The following PHACTR1 variants were observed in gnomAD, a reference collection of about 807,000 sequenced individuals.
The protein encoded by PHACTR1 is phosphatase and actin regulator 1.
In PHACTR1, 16 loss-of-function variants were observed where a neutral mutation model predicts 69.2. The observed-to-expected ratio is 0.23, with a 90% CI of 0.16 to 0.35. The LOEUF (loss-of-function observed/expected upper bound fraction) is 0.35, where lower values mean the gene tolerates loss of function less well. Among genes scored for constraint, PHACTR1 ranks in the 10% least tolerant of loss-of-function variants. The probability of loss-of-function intolerance (pLI) is 1.00; values close to 1 mark genes in which losing one functional copy is unlikely to be tolerated. For missense variants in PHACTR1, 510 were observed against 734.7 expected, an observed-to-expected ratio of 0.69 and a Z score of 3.54; for synonymous variants, 312 against 284.5, an observed-to-expected ratio of 1.10 and a Z score of -0.97.
At chr6:12,749,196 G>T (rs1053206586) in intron 3 of PHACTR1, among the ~76,000 whole-genome samples, 1 of 152,228 alleles carries the variant, frequency 6.6e-6, no homozygotes, top group Non-Finnish European at 1.5e-5. Context: ...GCGTAAGCGC[G>T]TTTGGCGGGA....
At chr6:12,839,980 T>C (rs1378159321) in intron 4 of PHACTR1, among the ~76,000 whole-genome samples, 1 of 152,098 alleles carries the variant, frequency 6.6e-6, no homozygotes, top group African/African-American at 2.4e-5. Flanking sequence ...AATTAGATAT[T>C]GATGAGAAAT....
At chr6:12,806,994 T>A (rs955556691) in intron 4 of PHACTR1, among the ~76,000 whole-genome samples, 1 of 152,236 alleles carries the variant, frequency 6.6e-6, no homozygotes, top group African/African-American at 2.4e-5. Context: ...ATGATGACAT[T>A]TTTTTCAAAG....
chr6:12,837,989 A>G (rs1349273949), intron 4 of PHACTR1, among the ~76,000 whole-genome samples: 1 of 152,204 alleles, frequency 6.6e-6, no homozygotes, highest in Non-Finnish European at 1.5e-5. Context: ...GCCATTTCCA[A>G]GCTCATGTCA....
intron 6 of PHACTR1, among the ~76,000 whole-genome samples, chr6:13,173,445 C>G (rs574937676): frequency 2.0e-5 from 3 of 152,232 alleles, no homozygotes; most frequent in Admixed American, 6.5e-5. Flanking sequence ...ACACGAACTC[C>G]CTAAACTCAG....
intron 4 of PHACTR1, among the ~76,000 whole-genome samples, chr6:12,784,628 G>A (rs1202794538): frequency 2.6e-5 from 4 of 151,098 alleles, no homozygotes; most frequent in African/African-American, 9.8e-5. Context: ...TGATAAACAT[G>A]CATATATACA....
chr6:12,994,586 T>C (rs370603536), intron 4 of PHACTR1, among the ~76,000 whole-genome samples: 4 of 152,174 alleles, frequency 2.6e-5, no homozygotes, highest in African/African-American at 7.2e-5. Flanking sequence ...TTTAACAAAA[T>C]TGAAATATGT....
intron 4 of PHACTR1, among the ~76,000 whole-genome samples, chr6:13,018,561 C>A (rs1316884775): frequency 2.0e-5 from 3 of 152,136 alleles, no homozygotes; most frequent in Non-Finnish European, 4.4e-5. Context: ...GGGCCTTTCC[C>A]CCTGCTATAC....
chr6:12,829,603 G>T (rs1410894814), intron 4 of PHACTR1, among the ~76,000 whole-genome samples: 1 of 152,088 alleles, frequency 6.6e-6, no homozygotes, highest in Non-Finnish European at 1.5e-5. Flanking sequence ...GCCCAGAAGA[G>T]ATCTTAAATT....
Position 12,933,785 on chromosome 6 carries a change from G to A in PHACTR1, c.251-119580G>A, listed in dbSNP as rs767367499. 3 of 1,612,694 alleles carry A rather than the reference G, an allele frequency of 1.9e-6. No homozygotes were observed. The African/African-American group carries it at 4.0e-5, about 22-fold the overall frequency. Reference sequence around the variant, plus strand: ...CACTACATCAGCCCACATCTGCTCAGGCCCCAGTACAGGTGGACAATTCTC... The same window carrying A: ...CACTACATCAGCCCACATCTGCTCAAGCCCCAGTACAGGTGGACAATTCTC... On this transcript the variant is annotated intron_variant, in intron 4 of 14. Transcript: ENST00000332995.
At chr6:12,938,780 C>T (rs1268000256) in intron 4 of PHACTR1, among the ~76,000 whole-genome samples, 2 of 152,092 alleles carry the variant, frequency 1.3e-5, no homozygotes, top group Non-Finnish European at 2.9e-5. Flanking sequence ...ACATTTTCTA[C>T]AATTTTATGT....
chr6:13,182,757 C>G (rs553840470), intron 7 of PHACTR1, 71 bp downstream of exon 7: 1 of 1,425,222 alleles, frequency 7.0e-7, no homozygotes. Flanking sequence ...GATCTTTGGC[C>G]TGGCTGGACT....
chr6:12,981,296 G>A (rs1016105387), intron 4 of PHACTR1, among the ~76,000 whole-genome samples: 28 of 152,206 alleles, frequency 1.8e-4, no homozygotes, highest in Admixed American at 1.8e-3. Context: ...CATAAAAACT[G>A]TTCCCCATCC....
intron 4 of PHACTR1, among the ~76,000 whole-genome samples, chr6:12,833,243 A>G (rs1012128410): frequency 6.6e-6 from 1 of 151,706 alleles, no homozygotes; most frequent in African/African-American, 2.4e-5. Context: ...TCTCTGCTCC[A>G]CAAACCTGTA....
chr6:13,032,622 A>ATT (rs199702696), intron 4 of PHACTR1, among the ~76,000 whole-genome samples: 4 of 146,814 alleles, frequency 2.7e-5, no homozygotes, highest in African/African-American at 1.0e-4. Flanking sequence ...GTTATGAAAG[A>ATT]TTTTTTTTTT....
chr6:13,200,943 C>CA (rs772620697), intron 7 of PHACTR1, among the ~76,000 whole-genome samples: 4,107 of 90,480 alleles, frequency 0.045, 167 homozygotes, highest in African/African-American at 0.13. Flanking sequence ...AACTCTGTCT[C>CA]AAAAAAAAAA....
chr6:13,245,027 T>C lies in PHACTR1; in HGVS notation c.1391+14834T>C, dbSNP rs1773401854. Among the ~76,000 whole-genome samples the C allele has an allele frequency of 2.0e-5, 3 of 152,234 alleles. No homozygotes were observed. The highest frequency in any genetic ancestry group is 6.5e-5 in the Admixed American group (1 of 15,290). ...ATGTCCGTAAAATCTTCACTATCCA[T>C]GTTCTTCTGCCATGGTTTCAGCCGG... On this transcript the variant is annotated intron_variant, in intron 10 of 14. Coordinates refer to ENST00000332995, the MANE Select transcript of PHACTR1 (RefSeq NM_030948.6). This position sits in a 1 kb window ranked among gnomAD's most constrained non-coding sequence, Gnocchi z 4.1.
At chr6:13,084,977 A>G (rs1009923212) in intron 5 of PHACTR1, among the ~76,000 whole-genome samples, 2 of 152,150 alleles carry the variant, frequency 1.3e-5, no homozygotes, top group African/African-American at 4.8e-5. Context: ...AGCGTAGAAT[A>G]AAGGGGGAGA....
intron 4 of PHACTR1, among the ~76,000 whole-genome samples, chr6:12,830,739 C>T (rs957235525): frequency 3.3e-5 from 5 of 151,952 alleles, no homozygotes; most frequent in Non-Finnish European, 5.9e-5. Flanking sequence ...ACAGGACCTG[C>T]CACCATGCCC....
chr6:13,208,029 GA>G (rs1007267661), intron 8 of PHACTR1, among the ~76,000 whole-genome samples: 1 of 151,818 alleles, frequency 6.6e-6, no homozygotes, highest in Non-Finnish European at 1.5e-5. Flanking sequence ...GCTGCAAAAG[GA>G]AAAAAACAAA....
Sources: allele counts gnomAD v4.1 joint callset (sites outside exome capture counted in the v4.1 genomes callset), GRCh38; gene constraint gnomAD v4.1.1; non-coding constraint Gnocchi (gnomAD v3.1); transcripts MANE v1.5; gene names NCBI Gene and HGNC (gene_info 2026-07-23, HGNC 2026-07-21).